KCNN3: variants seen among roughly 807,000 people sequenced by gnomAD.
KCNN3 encodes the protein potassium calcium-activated channel subfamily N member 3.
In KCNN3, 16 loss-of-function variants were observed where a neutral mutation model predicts 62.9. The ratio of observed to expected loss-of-function variants is 0.25; its 90% CI spans 0.17 to 0.39. The LOEUF (loss-of-function observed/expected upper bound fraction) is 0.39. Among genes scored for constraint, KCNN3 ranks in the 10% least tolerant of loss-of-function variants. The pLI is 1.00. For missense variants in KCNN3, 599 were observed against 949.4 expected (o/e 0.63, Z 4.85); for synonymous variants, 370 against 389.2 (o/e 0.95, Z 0.58).
At chr1:154,839,055 T>C (rs1207679686) in intron 1 of KCNN3, among the ~76,000 whole-genome samples, 1 of 152,076 alleles carries the variant, frequency 6.6e-6, no homozygotes, top group East Asian at 1.9e-4. Context: ...GGTCACTCCA[T>C]GGGAAAAACA....
Position 154,862,412 on chromosome 1 carries a change from AG to A in KCNN3, c.933+6619del, listed in dbSNP as rs1294693769. Among the ~76,000 whole-genome samples, 1 of 152,158 alleles carries A rather than the reference AG, an allele frequency of 6.6e-6. No homozygotes were observed. Among genetic ancestry groups the A allele is most frequent in the Non-Finnish European group, 1.5e-5 (1 of 68,012 alleles). On this transcript the variant is annotated intron_variant, in intron 1 of 7. Coordinates refer to ENST00000271915, the MANE Select transcript of KCNN3 (RefSeq NM_002249.6). This position sits in a 1 kb window ranked among gnomAD's most constrained non-coding sequence, Gnocchi z 4.1. ...CCACACAGCCAGTGCTGGAGGAGAA[AG>A]GCAGCCTAAGAGAAGAGCAAGGTGG...
intron 3 of KCNN3, among the ~76,000 whole-genome samples, chr1:154,743,409 C>T (rs1297921038): frequency 6.6e-6 from 1 of 152,140 alleles, no homozygotes; most frequent in Non-Finnish European, 1.5e-5. Context: ...AGCCGAAGTC[C>T]CCTGGGGCCC....
At chr1:154,811,175 G>C (rs1236829890) in intron 2 of KCNN3, among the ~76,000 whole-genome samples, 1 of 152,200 alleles carries the variant, frequency 6.6e-6, no homozygotes, top group Non-Finnish European at 1.5e-5. Context: ...CCCGGCCCGT[G>C]ACGTTAGGGC....
chr1:154,786,240 GT>G (rs549704808), intron 2 of KCNN3, among the ~76,000 whole-genome samples: 64 of 152,312 alleles, frequency 4.2e-4, no homozygotes, highest in African/African-American at 1.4e-3. Flanking sequence ...CTATATCAAT[GT>G]GACTGTAAAG....
At chr1:154,769,406 G>A (rs191374798) in intron 3 of KCNN3, among the ~76,000 whole-genome samples, 5 of 152,172 alleles carry the variant, frequency 3.3e-5, no homozygotes, top group African/African-American at 9.7e-5. Context: ...TGGTCTTAGC[G>A]GGGGCTTGTG....
At chr1:154,742,330 C>T (rs1016526016) in intron 3 of KCNN3, among the ~76,000 whole-genome samples, 3 of 152,214 alleles carry the variant, frequency 2.0e-5, no homozygotes, top group Admixed American at 6.5e-5. Context: ...GCAGAAAGGC[C>T]GCAAAGCTGG....
chr1:154,744,076 C>T (rs778379461), intron 3 of KCNN3, among the ~76,000 whole-genome samples: 11 of 152,146 alleles, frequency 7.2e-5, no homozygotes, highest in Admixed American at 2.0e-4. Flanking sequence ...TTCTCCACAG[C>T]GCTTATCACC....
At chr1:154,773,927 G>A (rs1008370286) in intron 2 of KCNN3, among the ~76,000 whole-genome samples, 2 of 152,198 alleles carry the variant, frequency 1.3e-5, no homozygotes, top group Non-Finnish European at 1.5e-5. Flanking sequence ...TTTGCTGGCA[G>A]CACTGTGCTC....
At chr1:154,864,173 C>T (rs1268471065) in intron 1 of KCNN3, among the ~76,000 whole-genome samples, 1 of 152,240 alleles carries the variant, frequency 6.6e-6, no homozygotes, top group East Asian at 1.9e-4. Context: ...CATCCTGGTC[C>T]TGCAGGTCAC....
chr1:154,761,935 G>A (rs1648037011), intron 3 of KCNN3, among the ~76,000 whole-genome samples: 1 of 151,694 alleles, frequency 6.6e-6, no homozygotes, highest in African/African-American at 2.4e-5. Context: ...ATGAGACTCC[G>A]CATCAAAAAC....
chr1:154,724,935 CA>C (rs1700429534), intron 5 of KCNN3, among the ~76,000 whole-genome samples: 1 of 151,564 alleles, frequency 6.6e-6, no homozygotes, highest in Non-Finnish European at 1.5e-5. Context: ...CGGTTCACTG[CA>C]ACCTCCGCTT....
At chr1:154,746,915 G>T (rs765663405) in intron 3 of KCNN3, among the ~76,000 whole-genome samples, 1 of 152,194 alleles carries the variant, frequency 6.6e-6, no homozygotes, top group Non-Finnish European at 1.5e-5. Flanking sequence ...TCTGGAGTAG[G>T]TGCATGGGTC....
intron 2 of KCNN3, among the ~76,000 whole-genome samples, chr1:154,789,633 A>G (rs918268949): frequency 4.6e-5 from 7 of 152,118 alleles, no homozygotes; most frequent in African/African-American, 1.7e-4. Context: ...CCAAGAAGTG[A>G]ATGACTTGCT....
At chr1:154,867,399 G>A (rs1290789901) in intron 1 of KCNN3, among the ~76,000 whole-genome samples, 1 of 152,198 alleles carries the variant, frequency 6.6e-6, no homozygotes, top group Non-Finnish European at 1.5e-5. Flanking sequence ...TCCAGGTGCT[G>A]CCCTCCGCTG....
chr1:154,777,757 G>T (rs1412846622), intron 2 of KCNN3, among the ~76,000 whole-genome samples: 2 of 152,202 alleles, frequency 1.3e-5, no homozygotes, highest in Non-Finnish European at 2.9e-5. Context: ...GATGGATTCT[G>T]GAGAAGTACT....
In KCNN3 at chr1:154,699,200, A is replaced by C. The variant is rs1354138363; in HGVS notation, c.*8776T>G. 7.2e-6 allele frequency: 1 copy of C among 139,242 alleles called. No individual in the cohort carries two copies. Among genetic ancestry groups the C allele is most frequent in the East Asian group, 2.0e-4 (1 of 4,976 alleles). The allele number at this position is 139,242 out of a possible 1,614,324, so 8.6% of individuals were successfully genotyped here. ...GCACTTGACTTTTTTTTTTTTTTTT[A>C]ATATCCTTTACCTTTTTAATAAAAA... On this transcript the variant is annotated 3_prime_UTR_variant, in exon 8 of 8. Transcript: ENST00000271915.
chr1:154,775,937 C>T (rs897557046), intron 2 of KCNN3, among the ~76,000 whole-genome samples: 1 of 152,204 alleles, frequency 6.6e-6, no homozygotes, highest in Non-Finnish European at 1.5e-5. Flanking sequence ...ACTATAGTAA[C>T]TGGGTTCACT....
At position 154,808,196 on chromosome 1, in the gene KCNN3, C is replaced by T. The variant is rs1053955191; in HGVS notation, c.1029+13893G>A. ...TCTCATAGATAGAATGGGGCTACTA[C>T]CATTTTAGACCTGGGTGCCTCATCG... On this transcript the variant is annotated intron_variant, in intron 2 of 7. Transcript: ENST00000271915. 2.6e-5 allele frequency among the ~76,000 whole-genome samples: 4 copies of T among 152,300 alleles called. No individual in the cohort carries two copies. The South Asian group carries it at 8.3e-4, about 32-fold the overall frequency.
chr1:154,747,292 C>G (rs1700959183), intron 3 of KCNN3, among the ~76,000 whole-genome samples: 1 of 152,168 alleles, frequency 6.6e-6, no homozygotes, highest in Non-Finnish European at 1.5e-5. Context: ...CCGTCTTCCC[C>G]TCAAATCCCC....
Sources: gnomAD v4.1 joint callset for allele counts (sites outside exome capture counted in the v4.1 genomes callset) on GRCh38, gnomAD v4.1.1 for gene constraint, Gnocchi (gnomAD v3.1) non-coding constraint, MANE v1.5 for transcripts, NCBI Gene and HGNC (gene_info 2026-07-23, HGNC 2026-07-21) for gene names.